The following KCNQ1 variants were observed in gnomAD, a reference collection of about 807,000 sequenced individuals.
KCNQ1 encodes potassium voltage-gated channel subfamily KQT member 1.
Under a neutral mutation model 72.4 loss-of-function variants are expected in KCNQ1, and 49 were observed. The ratio of observed to expected loss-of-function variants is 0.68; its 90% CI spans 0.54 to 0.86. The LOEUF is 0.86. Ranked by LOEUF, KCNQ1 falls within the 40% of genes least tolerant of loss-of-function variation. The pLI, the probability that KCNQ1 is intolerant of heterozygous loss-of-function variation, is 0.00. For missense variants in KCNQ1, 790 were observed against 945.1 expected (o/e 0.84, Z 2.15); for synonymous variants, 450 against 412.6 (o/e 1.09, Z -1.10).
At position 2,818,542 on chromosome 11, in the gene KCNQ1, C is replaced by A. The variant is rs1847666514; in HGVS notation, c.1795-29225C>A. On this transcript the variant is annotated intron_variant, in intron 15 of 15. Transcript: ENST00000155840. This position sits in a 1 kb window ranked among gnomAD's most constrained non-coding sequence, Gnocchi z 7.2. ...CACCCGGGGTGAGGGGCCTAGAAACCCCTCTCCACCAGATGCCTTACACCC... is the reference window on the plus strand; with the variant it reads ...CACCCGGGGTGAGGGGCCTAGAAACACCTCTCCACCAGATGCCTTACACCC... Among the ~76,000 whole-genome samples the A allele has an allele frequency of 6.6e-6, 1 of 152,146 alleles. No homozygotes were observed. Among genetic ancestry groups the A allele is most frequent in the Non-Finnish European group, 1.5e-5 (1 of 68,012 alleles).
chr11:2,771,008 G>C (rs906835473), intron 12 of KCNQ1, among the ~76,000 whole-genome samples: 2 of 152,244 alleles, frequency 1.3e-5, no homozygotes, highest in African/African-American at 2.4e-5. Flanking sequence ...AGCCGAAGCA[G>C]CTGACGTCAC....
rs1173971006 is a variant in KCNQ1 at position 2,482,848 on chromosome 11, T to A, written c.386+37364T>A. On this transcript the variant is annotated intron_variant, in intron 1 of 15. Transcript: ENST00000155840. This position sits in a 1 kb window ranked among gnomAD's most constrained non-coding sequence, Gnocchi z 5.7. ...GCAGCAGCAAGACTGTCATCTAGGT[T>A]GTTGGGGAAACCAGGAGTGAGTGGA... Among the ~76,000 whole-genome samples, 1 of 150,810 alleles carries A rather than the reference T, an allele frequency of 6.6e-6. No homozygotes were observed. The highest frequency in any genetic ancestry group is 2.5e-5 in the African/African-American group (1 of 40,224).
chr11:2,839,348 C>G (rs567872272), intron 15 of KCNQ1, among the ~76,000 whole-genome samples: 1 of 152,372 alleles, frequency 6.6e-6, no homozygotes, highest in South Asian at 2.1e-4. Context: ...ACCTCTGTCC[C>G]CACCCTGAAG....
In KCNQ1 at chr11:2,583,513, G is replaced by A; in HGVS notation, c.1000G>A (p.Val334Ile). 1 of 1,614,026 alleles carries A rather than the reference G, an allele frequency of 6.2e-7. No homozygotes were observed. Among genetic ancestry groups the A allele is most frequent in the Non-Finnish European group, 8.5e-7 (1 of 1,179,926 alleles). Reference protein sequence around the residue: ...VGKTIASCFSVFAISFFALPA... With the variant: ...VGKTIASCFSIFAISFFALPA... ...GAAGACCATCGCCTCCTGCTTCTCT[G>A]TCTTTGCCATCTCCTTCTTTGCGCT... The change falls in exon 7 of 16, where the codon GTC (valine) becomes ATC (isoleucine). Residue 334 changes from valine to isoleucine, a missense_variant. Physicochemically the swap from Val to Ile is conservative, Grantham distance 29. This residue lies in a region of KCNQ1 where 133 missense variants were observed against 219.5 expected (regional missense o/e 0.61). Transcript: ENST00000155840.
intron 15 of KCNQ1, among the ~76,000 whole-genome samples, chr11:2,790,644 G>A (rs569863135): frequency 6.6e-6 from 1 of 152,352 alleles, no homozygotes; most frequent in East Asian, 1.9e-4. Flanking sequence ...GTGAGACTCG[G>A]CGAGTCACGT....
At chr11:2,821,859 T>C (rs972316601) in intron 15 of KCNQ1, among the ~76,000 whole-genome samples, 4 of 152,194 alleles carry the variant, frequency 2.6e-5, no homozygotes, top group African/African-American at 9.7e-5. Flanking sequence ...CAAGTGTGTG[T>C]GAGCTCTGTA....
chr11:2,641,042 C>T, intron 10 of KCNQ1: 1 of 398,482 alleles, frequency 2.5e-6, no homozygotes, highest in Non-Finnish European at 4.4e-6. Flanking sequence ...ATATTTACCT[C>T]ATTTTCTTTT....
intron 15 of KCNQ1, among the ~76,000 whole-genome samples, chr11:2,792,848 G>A (rs1289054525): frequency 6.6e-6 from 1 of 152,220 alleles, no homozygotes; most frequent in Non-Finnish European, 1.5e-5. Flanking sequence ...CGAGTAAGGT[G>A]AGCCTGACAG....
rs1320051829 is a variant in KCNQ1 at position 2,748,112 on chromosome 11, T to C, written c.1515-20732T>C. ...AAAGGGCAGGTTCCCAGGGCTGGGC[T>C]TGTGGCCAGTGCAGCACTATCCTCA... On this transcript the variant is annotated intron_variant, in intron 11 of 15. Transcript: ENST00000155840. The surrounding 1 kb of genome is among the most constrained non-coding windows in gnomAD (Gnocchi z 6.2). Among the ~76,000 whole-genome samples, 2 of 152,110 alleles carry C rather than the reference T, an allele frequency of 1.3e-5. No individual in the cohort carries two copies. The highest frequency in any genetic ancestry group is 2.9e-5 in the Non-Finnish European group (2 of 67,996).
At chr11:2,535,243 G>GA (rs1229435204) in intron 2 of KCNQ1, among the ~76,000 whole-genome samples, 1 of 152,234 alleles carries the variant, frequency 6.6e-6, no homozygotes, top group Non-Finnish European at 1.5e-5. Context: ...TAGCGAAGGT[G>GA]AAAGTGGACC....
intron 15 of KCNQ1, among the ~76,000 whole-genome samples, chr11:2,846,348 T>C (rs1481420997): frequency 1.3e-5 from 2 of 152,212 alleles, no homozygotes; most frequent in Non-Finnish European, 2.9e-5. Flanking sequence ...CTGATCTGTT[T>C]GCCCCTCCCC....
chr11:2,820,551 C>G (rs947577568), intron 15 of KCNQ1, among the ~76,000 whole-genome samples: 1 of 151,538 alleles, frequency 6.6e-6, no homozygotes, highest in Non-Finnish European at 1.5e-5. Context: ...CCTCCACCTC[C>G]TGACTTACCT....
At position 2,674,693 on chromosome 11, in the gene KCNQ1, A is replaced by G; in HGVS notation, c.1514+12612A>G. 1 of 398,384 alleles carries G rather than the reference A, an allele frequency of 2.5e-6. No individual in the cohort carries two copies. The allele number at this position is 398,384 out of a possible 1,614,324, so 24.7% of individuals were successfully genotyped here. A position where few individuals can be genotyped will look rare whatever the true frequency, so the allele number is the denominator to read the frequency against. The stretch of plus-strand genomic sequence containing the variant: ...ATTTGAAAAGTTTGTTGAACCTTAA[A>G]CCTTTCCTGATGACTCCTTCCTTCT... On this transcript the variant is annotated intron_variant, in intron 11 of 15. Coordinates refer to ENST00000155840, the MANE Select transcript of KCNQ1 (RefSeq NM_000218.3). The surrounding 1 kb of genome is among the most constrained non-coding windows in gnomAD (Gnocchi z 5.9).
At chr11:2,545,288 G>C (rs368320515) in intron 2 of KCNQ1, among the ~76,000 whole-genome samples, 1 of 152,166 alleles carries the variant, frequency 6.6e-6, no homozygotes, top group African/African-American at 2.4e-5. Context: ...GCTGGCATGA[G>C]GAGTGAGTTG....
Position 2,491,209 on chromosome 11 carries a change from C to G in KCNQ1, c.387-36719C>G, listed in dbSNP as rs1019800738. 6.6e-6 allele frequency among the ~76,000 whole-genome samples: 1 copy of G among 152,182 alleles called. No homozygotes were observed. Among genetic ancestry groups the G allele is most frequent in the Non-Finnish European group, 1.5e-5 (1 of 68,032 alleles). On this transcript the variant is annotated intron_variant, in intron 1 of 15. Coordinates refer to ENST00000155840, the MANE Select transcript of KCNQ1 (RefSeq NM_000218.3). This position sits in a 1 kb window ranked among gnomAD's most constrained non-coding sequence, Gnocchi z 4.1. ...TCTTTAATGCCTAGACACCAATGAA[C>G]AAGACCATCTAGGAAAACATGACCT...
At chr11:2,761,790 G>T (rs1045112529) in intron 11 of KCNQ1, among the ~76,000 whole-genome samples, 2 of 152,258 alleles carry the variant, frequency 1.3e-5, no homozygotes, top group Non-Finnish European at 2.9e-5. Flanking sequence ...GGACAGAGCT[G>T]GGGGCCTGGG....
intron 2 of KCNQ1, among the ~76,000 whole-genome samples, chr11:2,545,598 C>T (rs1238360403): frequency 6.6e-6 from 1 of 151,574 alleles, no homozygotes; most frequent in African/African-American, 2.4e-5. Context: ...TTGATAATTA[C>T]ATTGAGGTGA....
intron 10 of KCNQ1, chr11:2,619,500 T>G (rs1849128009): frequency 2.5e-6 from 1 of 398,490 alleles, no homozygotes; most frequent in Non-Finnish European, 4.4e-6. Flanking sequence ...AAGATTTGCA[T>G]GCCAGAAATT....
rs528332853 is a variant in KCNQ1, at chr11:2,704,782, G to A, written c.1514+42701G>A. 6.6e-6 allele frequency among the ~76,000 whole-genome samples: 1 copy of A among 152,186 alleles called. No homozygotes were observed. Among genetic ancestry groups the A allele is most frequent in the Admixed American group, 6.5e-5 (1 of 15,286 alleles). On this transcript the variant is annotated intron_variant, in intron 11 of 15. Transcript: ENST00000155840. This position sits in a 1 kb window ranked among gnomAD's most constrained non-coding sequence, Gnocchi z 4.3. ...TTGTCTAGACTTCTGGCTGAGGACA[G>A]GGAGGAGCTTAAGGTAGCCCTCAGC... is the stretch of plus-strand genomic sequence containing the variant.
Sources: gnomAD v4.1 joint callset for allele counts (sites outside exome capture counted in the v4.1 genomes callset) on GRCh38, gnomAD v4.1.1 for gene constraint, gnomAD v4.1.1 regional missense constraint, Gnocchi (gnomAD v3.1) non-coding constraint, MANE v1.5 for transcripts, NCBI Gene and HGNC (gene_info 2026-07-23, HGNC 2026-07-21) for gene names.